FHIT: variants seen among roughly 807,000 people sequenced by gnomAD.
FHIT encodes the protein fragile histidine triad diadenosine triphosphatase.
FHIT carries 19 observed loss-of-function variants against 17.9 expected under a neutral mutation model. That is an observed-to-expected ratio of 1.06 (90% CI 0.74 to 1.56). The LOEUF (loss-of-function observed/expected upper bound fraction) is 1.56, where lower values mean the gene tolerates loss of function less well. FHIT is among the 40% of genes most tolerant of loss of function. The pLI is 0.00. For missense variants in FHIT, 248 were observed against 189.2 expected (o/e 1.31, Z -1.82); for synonymous variants, 81 against 69.7 (o/e 1.16, Z -0.81).
At chr3:61,238,852 T>C (rs1390028495) in intron 1 of FHIT, among the ~76,000 whole-genome samples, 1 of 152,234 alleles carries the variant, frequency 6.6e-6, no homozygotes, top group Non-Finnish European at 1.5e-5. Context: ...AGGGCTTTGT[T>C]CTTGATTTTC....
chr3:60,286,642 G>A (rs1340087956), intron 5 of FHIT, among the ~76,000 whole-genome samples: 1 of 152,076 alleles, frequency 6.6e-6, no homozygotes, highest in Non-Finnish European at 1.5e-5. Context: ...ATCTACTATA[G>A]CAACCATAAT....
chr3:60,019,944 C>T (rs573089509), intron 5 of FHIT, among the ~76,000 whole-genome samples: 3 of 152,238 alleles, frequency 2.0e-5, no homozygotes, highest in Non-Finnish European at 2.9e-5. Context: ...GCAGAATAAT[C>T]GACCACAGAA....
intron 3 of FHIT, among the ~76,000 whole-genome samples, chr3:60,962,780 A>C (rs1320852879): frequency 6.6e-6 from 1 of 152,152 alleles, no homozygotes; most frequent in Non-Finnish European, 1.5e-5. Context: ...GGATGAAGCC[A>C]ACTTGATCGT....
chr3:61,202,397 G>A (rs138973847), intron 1 of FHIT, among the ~76,000 whole-genome samples: 142 of 152,118 alleles, frequency 9.3e-4, no homozygotes, highest in African/African-American at 3.0e-3. Flanking sequence ...AGTGAGGAGC[G>A]CCTCTGCCCG....
At chr3:61,132,929 G>C (rs1430340270) in intron 2 of FHIT, among the ~76,000 whole-genome samples, 2 of 152,212 alleles carry the variant, frequency 1.3e-5, no homozygotes, top group Admixed American at 1.3e-4. Context: ...TAGAAATGGG[G>C]TGTAGGGAGT....
chr3:60,261,874 T>C (rs1706322414), intron 5 of FHIT, among the ~76,000 whole-genome samples: 1 of 151,958 alleles, frequency 6.6e-6, no homozygotes, highest in African/African-American at 2.4e-5. Flanking sequence ...AAAAGGAACA[T>C]CTCTGTCTCT....
intron 4 of FHIT, among the ~76,000 whole-genome samples, chr3:60,677,312 A>C (rs553992199): frequency 1.2e-4 from 19 of 152,088 alleles, no homozygotes; most frequent in Admixed American, 3.3e-4. Flanking sequence ...CTCCCCTCCC[A>C]CCCCATCATC....
At chr3:60,547,485 ACTTTCTT>A (rs1264632919) in intron 4 of FHIT, among the ~76,000 whole-genome samples, 2 of 152,110 alleles carry the variant, frequency 1.3e-5, no homozygotes, top group Admixed American at 1.3e-4. Flanking sequence ...CTAGCCGATT[ACTTTCTT>A]CTTTATTTTT....
intron 1 of FHIT, among the ~76,000 whole-genome samples, chr3:61,224,341 A>C (rs1467005537): frequency 6.6e-6 from 1 of 152,196 alleles, no homozygotes; most frequent in Non-Finnish European, 1.5e-5. Context: ...GACTACCTAC[A>C]TGGTAATTTG....
chr3:61,108,444 C>G (rs1462326109), intron 2 of FHIT, among the ~76,000 whole-genome samples: 1 of 152,136 alleles, frequency 6.6e-6, no homozygotes. Flanking sequence ...CCCTGTGGCT[C>G]ACATTCTGGT....
intron 2 of FHIT, among the ~76,000 whole-genome samples, chr3:61,184,534 T>C (rs574866664): frequency 6.6e-6 from 1 of 152,260 alleles, no homozygotes; most frequent in South Asian, 2.1e-4. Context: ...CTTCTGCGGA[T>C]GTCTGTGAAC....
At chr3:60,558,964 A>G (rs1366400070) in intron 4 of FHIT, among the ~76,000 whole-genome samples, 1 of 152,146 alleles carries the variant, frequency 6.6e-6, no homozygotes, top group African/African-American at 2.4e-5. Context: ...GACTCTTTCA[A>G]TTAGGAGCAT....
At chr3:61,180,085 T>C (rs1444272818) in intron 2 of FHIT, among the ~76,000 whole-genome samples, 1 of 152,208 alleles carries the variant, frequency 6.6e-6, no homozygotes, top group Non-Finnish European at 1.5e-5. Flanking sequence ...GAAGTTTGAC[T>C]TTACAAACTA....
At chr3:59,905,189 G>A (rs928489984) in intron 8 of FHIT, among the ~76,000 whole-genome samples, 1 of 152,166 alleles carries the variant, frequency 6.6e-6, no homozygotes, top group Admixed American at 6.5e-5. Context: ...GAAAACCCTG[G>A]GGAGTACAAT....
intron 5 of FHIT, among the ~76,000 whole-genome samples, chr3:60,039,892 G>A (rs1263504821): frequency 6.6e-6 from 1 of 152,148 alleles, no homozygotes; most frequent in African/African-American, 2.4e-5. Flanking sequence ...TGAAATGGAA[G>A]AAATTATGAG....
chr3:60,640,544 C>G (rs1199274003), intron 4 of FHIT, among the ~76,000 whole-genome samples: 1 of 151,984 alleles, frequency 6.6e-6, no homozygotes, highest in South Asian at 2.1e-4. Context: ...ATTTATTGAG[C>G]TAAACACTTA....
chr3:60,786,382 T>G (rs1700575959), intron 4 of FHIT, among the ~76,000 whole-genome samples: 1 of 152,246 alleles, frequency 6.6e-6, no homozygotes, highest in Admixed American at 6.5e-5. Context: ...AACAAAATTT[T>G]GAAAGTTATT....
chr3:60,385,728 C>T (rs898427211), intron 5 of FHIT, among the ~76,000 whole-genome samples: 1 of 151,982 alleles, frequency 6.6e-6, no homozygotes, highest in African/African-American at 2.4e-5. Context: ...TAAAGGCATG[C>T]ACCGCCATAC....
chr3:60,250,009 C>G (rs764667396), intron 5 of FHIT, among the ~76,000 whole-genome samples: 1 of 152,044 alleles, frequency 6.6e-6, no homozygotes, highest in Non-Finnish European at 1.5e-5. Context: ...ACTGCCCCCA[C>G]GATTTAATTA....
Sources: allele counts gnomAD v4.1 joint callset (sites outside exome capture counted in the v4.1 genomes callset), GRCh38; gene constraint gnomAD v4.1.1; transcripts MANE v1.5; gene names NCBI Gene and HGNC (gene_info 2026-07-23, HGNC 2026-07-21).